The following GLIS3 variants were observed in gnomAD, a reference collection of about 807,000 sequenced individuals.
GLIS3 encodes zinc finger protein GLIS3.
In GLIS3, 53 loss-of-function variants were observed where a neutral mutation model predicts 78.6. The observed-to-expected ratio is 0.67, with a 90% CI of 0.54 to 0.85. The LOEUF (loss-of-function observed/expected upper bound fraction) is 0.85, where lower values mean the gene tolerates loss of function less well. GLIS3 is among the 40% of genes least tolerant of loss of function. GLIS3 has a pLI of 0.00. For missense variants in GLIS3, 1,703 were observed against 1,231.1 expected, an observed-to-expected ratio of 1.38 and a Z score of -5.74; for synonymous variants, 684 against 509.9, an observed-to-expected ratio of 1.34 and a Z score of -4.60.
At chr9:4,464,259 T>C in the GLIS3 span, among the ~76,000 whole-genome samples, 3 of 152,122 alleles carry the variant, frequency 2.0e-5, no homozygotes, top group Non-Finnish European at 2.9e-5. Context: ...ATGGTCTCTT[T>C]GTAGCATTTA....
chr9:4,420,137 T>C, the GLIS3 span, among the ~76,000 whole-genome samples: 1 of 152,018 alleles, frequency 6.6e-6, no homozygotes, highest in East Asian at 1.9e-4. Context: ...AAAAACAAAA[T>C]CACTCCCAGG....
chr9:4,489,227 C>T, the GLIS3 span, among the ~76,000 whole-genome samples: 1 of 152,196 alleles, frequency 6.6e-6, no homozygotes, highest in African/African-American at 2.4e-5. Context: ...ATCCCTCTAA[C>T]CTTCTTTCTC....
chr9:4,140,512 T>C (rs1013105819), intron 2 of GLIS3, among the ~76,000 whole-genome samples: 25 of 152,024 alleles, frequency 1.6e-4, no homozygotes, highest in African/African-American at 5.8e-4. Flanking sequence ...GGAAGGAAAA[T>C]AGTAATGAAG....
At chr9:4,372,198 C>A in the GLIS3 span, among the ~76,000 whole-genome samples, 3 of 152,212 alleles carry the variant, frequency 2.0e-5, no homozygotes, top group Non-Finnish European at 4.4e-5. Flanking sequence ...CCAGTTTCAT[C>A]ATGTATGTAC....
chr9:3,829,569 C>T (rs1175932424), intron 9 of GLIS3, 77 bp from the exon 10 acceptor site: 7 of 1,473,026 alleles, frequency 4.8e-6, no homozygotes, highest in Non-Finnish European at 5.7e-6. Flanking sequence ...CAGCTAGAAC[C>T]TCACTCAGCC....
chr9:4,185,988 C>CT (rs950204592), intron 2 of GLIS3, among the ~76,000 whole-genome samples: 26 of 151,326 alleles, frequency 1.7e-4, no homozygotes, highest in South Asian at 2.1e-4. Flanking sequence ...GAGTTTTCTT[C>CT]TTTTTTTTAA....
At chr9:3,919,389 G>A (rs1216969917) in intron 6 of GLIS3, among the ~76,000 whole-genome samples, 1 of 152,106 alleles carries the variant, frequency 6.6e-6, no homozygotes, top group Non-Finnish European at 1.5e-5. Context: ...TCTCTAAAAT[G>A]AAATGTGTTC....
intron 2 of GLIS3, among the ~76,000 whole-genome samples, chr9:4,204,640 G>A (rs34434167): frequency 0.024 from 3,583 of 152,152 alleles, 51 homozygotes; most frequent in Non-Finnish European, 0.039. Flanking sequence ...GAATCAGGCC[G>A]GGCACAGTGG....
At chr9:4,351,498 A>G (rs966985464), upstream of GLIS3, among the ~76,000 whole-genome samples, 18 of 152,074 alleles carry the variant, frequency 1.2e-4, no homozygotes, top group African/African-American at 4.4e-4. Flanking sequence ...TATACACTGA[A>G]AAACACAAAA....
intron 4 of GLIS3, among the ~76,000 whole-genome samples, chr9:4,047,227 C>T (rs1383484972): frequency 6.6e-6 from 1 of 152,122 alleles, no homozygotes; most frequent in Admixed American, 6.6e-5. Context: ...CTGCCACCAG[C>T]TAAGACGTGA....
the GLIS3 span, among the ~76,000 whole-genome samples, chr9:4,396,974 C>A: frequency 6.6e-6 from 1 of 151,834 alleles, no homozygotes; most frequent in African/African-American, 2.4e-5. Context: ...CTCTTGTCTC[C>A]CATGTTATTG....
intron 2 of GLIS3, among the ~76,000 whole-genome samples, chr9:4,191,832 TACTG>T (rs1818359925): frequency 6.6e-6 from 1 of 151,972 alleles, no homozygotes; most frequent in South Asian, 2.1e-4. Context: ...ATATGAAAAA[TACTG>T]ATGAATCAGA....
chr9:3,916,351 C>G (rs991969986), intron 6 of GLIS3, among the ~76,000 whole-genome samples: 3 of 152,208 alleles, frequency 2.0e-5, no homozygotes, highest in Admixed American at 6.5e-5. Flanking sequence ...AAGCAAATTC[C>G]TTGATTTCTC....
chr9:4,489,573 T>C, the GLIS3 span, among the ~76,000 whole-genome samples: 1 of 151,916 alleles, frequency 6.6e-6, no homozygotes, highest in Non-Finnish European at 1.5e-5. Flanking sequence ...GGTAGAAAAA[T>C]GGAAGAGCAT....
rs144946958 is a variant in GLIS3 at position 4,134,818 on chromosome 9, A to C, written c.389-8877T>G. 3.4e-3 allele frequency among the ~76,000 whole-genome samples: 517 copies of C among 152,322 alleles called. 1 individual carries two copies. In the Middle Eastern group the frequency reaches 0.044, roughly 13 times the overall value. ...AAGAATAAGCGGGGATGAGTAGTTC[A>C]GGAAACCTTCTTGTTTTCCTTTGGG... On this transcript the variant is annotated intron_variant, in intron 2 of 10. Transcript: ENST00000381971.
At chr9:4,283,356 C>T (rs1827726722) in intron 2 of GLIS3, among the ~76,000 whole-genome samples, 1 of 151,916 alleles carries the variant, frequency 6.6e-6, no homozygotes, top group East Asian at 1.9e-4. Flanking sequence ...ATCTCTGCCT[C>T]CCAGGCTCAA....
intron 4 of GLIS3, among the ~76,000 whole-genome samples, chr9:4,068,814 A>G (rs55923133): frequency 9.1e-4 from 103 of 112,658 alleles, no homozygotes; most frequent in African/African-American, 2.7e-3. Context: ...TTTTTTGTGC[A>G]TGCATGCATG....
In GLIS3 at chr9:4,054,435, C is replaced by T. The variant is rs1353570589; in HGVS notation, c.1710+63333G>A. The T allele has an allele frequency of 6.1e-6, 6 of 985,276 alleles. No individual in the cohort carries two copies. The East Asian group carries it at 5.7e-4, about 93-fold the overall frequency. The allele number at this position is 985,276 out of a possible 1,614,324, so 61.0% of individuals were successfully genotyped here. On this transcript the variant is annotated intron_variant, in intron 4 of 10. Transcript: ENST00000381971. ...TAACGGTTGGTTACAAACACTTTGGCGAGAGTCACAGGAGGATGTGCTCTG... is the reference window on the plus strand; with the variant it reads ...TAACGGTTGGTTACAAACACTTTGGTGAGAGTCACAGGAGGATGTGCTCTG...
intron 4 of GLIS3, among the ~76,000 whole-genome samples, chr9:4,000,812 G>A (rs1269541125): frequency 1.3e-5 from 2 of 152,168 alleles, no homozygotes; most frequent in East Asian, 1.9e-4. Context: ...AGCTTCCTCT[G>A]CCAGGCATGT....
Sources: gnomAD v4.1 joint callset for allele counts (sites outside exome capture counted in the v4.1 genomes callset) on GRCh38, gnomAD v4.1.1 for gene constraint, MANE v1.5 for transcripts, NCBI Gene and HGNC (gene_info 2026-07-23, HGNC 2026-07-21) for gene names.